CORO2A: variants seen among roughly 807,000 people sequenced by gnomAD.
CORO2A encodes coronin 2A.
Under a neutral mutation model 62.4 loss-of-function variants are expected in CORO2A, and 47 were observed. That is an observed-to-expected ratio of 0.75 (90% confidence interval 0.60 to 0.96). The LOEUF is 0.96. CORO2A is among the 40% of genes least tolerant of loss of function. CORO2A has a pLI of 0.00. For synonymous variants in CORO2A, 273 were observed against 268.9 expected, an observed-to-expected ratio of 1.02 and a Z score of -0.15; for missense variants, 610 against 684.1, an observed-to-expected ratio of 0.89 and a Z score of 1.21.
intron 2 of CORO2A, among the ~76,000 whole-genome samples, chr9:98,155,680 C>T (rs1483867802): frequency 1.3e-5 from 2 of 152,114 alleles, no homozygotes; most frequent in African/African-American, 4.8e-5. Context: ...AAGGACTATT[C>T]CTTTAAAGAA....
At chr9:98,187,383 C>T (rs547576637) in intron 1 of CORO2A, among the ~76,000 whole-genome samples, 36 of 151,070 alleles carry the variant, frequency 2.4e-4, no homozygotes, top group Non-Finnish European at 3.7e-4. Context: ...CACTTGAACC[C>T]GGGAGACGGT....
chr9:98,133,310 TC>T, intron 4 of CORO2A, 93 bp from the exon 5 acceptor site: 1 of 1,292,998 alleles, frequency 7.7e-7, no homozygotes, highest in Non-Finnish European at 1.1e-6. Flanking sequence ...AAACACAGTA[TC>T]CCTGGGAGGG....
intron 1 of CORO2A, among the ~76,000 whole-genome samples, chr9:98,190,017 T>TGG (rs1337027416): frequency 2.0e-5 from 3 of 152,188 alleles, no homozygotes; most frequent in African/African-American, 7.2e-5. Flanking sequence ...CCCGAGTAGC[T>TGG]GGGATTACAG....
chr9:98,162,613 T>C (rs954792838), intron 1 of CORO2A, among the ~76,000 whole-genome samples: 9 of 152,180 alleles, frequency 5.9e-5, no homozygotes, highest in African/African-American at 2.2e-4. Context: ...TGTATATGCA[T>C]GGGTGAAGCT....
chr9:98,157,497 G>A lies in CORO2A; in HGVS notation c.164C>T (p.Ala55Val). ...PHFIAVVTEC[A>V]GGGAFLVIPL... is the part of the protein sequence containing the mutation. Reference sequence around the variant, plus strand: ...GATGACGAGGAAGGCCCCTCCACCAGCACACTCAGTCACAACTGCAATGAA... The same window carrying A: ...GATGACGAGGAAGGCCCCTCCACCAACACACTCAGTCACAACTGCAATGAA... The change falls in exon 2 of 12, where the codon GCT becomes GTT. Residue 55 changes from alanine to valine, a missense_variant. Coordinates refer to ENST00000375077, the MANE Select transcript of CORO2A (RefSeq NM_052820.4). 4 of 1,614,224 alleles carry A rather than the reference G, an allele frequency of 2.5e-6. No homozygotes were observed. Among genetic ancestry groups the A allele is most frequent in the Non-Finnish European group, 3.4e-6 (4 of 1,180,046 alleles).
intron 9 of CORO2A, 86 bp downstream of exon 9, chr9:98,128,521 C>T: frequency 8.1e-7 from 1 of 1,239,180 alleles, no homozygotes; most frequent in Non-Finnish European, 1.2e-6. Context: ...ACGTGGGCTC[C>T]AGGCTCTGGT....
chr9:98,142,245 G>A (rs546142041), intron 2 of CORO2A, among the ~76,000 whole-genome samples: 9 of 152,172 alleles, frequency 5.9e-5, no homozygotes, highest in Non-Finnish European at 8.8e-5. Flanking sequence ...ACCCTCTCTC[G>A]GACCTCAGAC....
chr9:98,148,750 T>C (rs1408320737), intron 2 of CORO2A, among the ~76,000 whole-genome samples: 1 of 113,030 alleles, frequency 8.8e-6, no homozygotes, highest in Non-Finnish European at 1.9e-5. Flanking sequence ...AGAGCTTGTC[T>C]CAAACAAAAC....
chr9:98,124,549 G>T lies in CORO2A; in HGVS notation c.*225C>A. ...CCCTTAATAACAGAATTCAACAGAA[G>T]GCATCATCTGAAAACAAAGTCAATT... On this transcript the variant is annotated 3_prime_UTR_variant, in exon 12 of 12. Transcript: ENST00000375077. 2.4e-6 allele frequency: 1 copy of T among 423,006 alleles called. No homozygotes were observed. Among genetic ancestry groups the T allele is most frequent in the Non-Finnish European group, 4.2e-6 (1 of 237,872 alleles). The allele number at this position is 423,006 out of a possible 1,614,324, so 26.2% of individuals were successfully genotyped here. A position where few individuals can be genotyped will look rare whatever the true frequency, so the allele number is the denominator to read the frequency against.
At chr9:98,135,709 G>A (rs961171527) in intron 3 of CORO2A, among the ~76,000 whole-genome samples, 6 of 152,180 alleles carry the variant, frequency 3.9e-5, no homozygotes, top group South Asian at 4.1e-4. Flanking sequence ...CTGGCCCCTA[G>A]TTGATTGTAT....
intron 2 of CORO2A, among the ~76,000 whole-genome samples, chr9:98,151,664 G>A (rs984709218): frequency 4.0e-5 from 6 of 151,580 alleles, no homozygotes; most frequent in Non-Finnish European, 5.9e-5. Flanking sequence ...CTTTTCTTTC[G>A]CTATTTTTCT....
rs1452618093 is a variant in CORO2A at position 98,151,575 on chromosome 9, CT to C, written c.201+5884del. 4.6e-5 allele frequency among the ~76,000 whole-genome samples: 7 copies of C among 152,282 alleles called. No homozygotes were observed. In the East Asian group the frequency reaches 1.3e-3, roughly 29 times the overall value. ...TTTTCTAATAATTTGACTACATGTT[CT>C]TTTGGGTTCTATGTAGACAATTATA... On this transcript the variant is annotated intron_variant, in intron 2 of 11. Transcript: ENST00000375077.
chr9:98,126,723 G>A lies in CORO2A; in HGVS notation c.1272C>T (p.Pro424=), dbSNP rs1158816720. Residue 424 remains proline (P), a synonymous_variant, in exon 11 of 12, where the codon CCC becomes CCT. Transcript: ENST00000375077. ...PIFNSMAPAS[P]RLLNQTEKLA... is the part of the protein sequence containing the mutation. ...GCTTTTCTGTCTGATTCAAGAGCCG[G>A]GGTGAGGCTGGGGCCATGGAATTGA... is the stretch of plus-strand genomic sequence containing the variant. 1.2e-5 allele frequency: 19 copies of A among 1,614,100 alleles called. No individual in the cohort carries two copies. The highest frequency in any genetic ancestry group is 1.5e-5 in the Non-Finnish European group (18 of 1,180,046).
chr9:98,181,899 T>C (rs1460009747), intron 1 of CORO2A, among the ~76,000 whole-genome samples: 2 of 152,216 alleles, frequency 1.3e-5, no homozygotes, highest in African/African-American at 4.8e-5. Context: ...ACTTCCAAGC[T>C]GTGTGACCTC....
chr9:98,146,418 C>T (rs114445793), intron 2 of CORO2A, among the ~76,000 whole-genome samples: 1 of 152,190 alleles, frequency 6.6e-6, no homozygotes. Context: ...AGGGAGGGAC[C>T]CTGCCTGCAG....
Position 98,122,784 on chromosome 9 carries a change from C to T in CORO2A, c.*1990G>A, listed in dbSNP as rs1292370709. The T allele has an allele frequency of 6.6e-6, 1 of 152,256 alleles. No homozygotes were observed. The highest frequency in any genetic ancestry group is 2.4e-5 in the African/African-American group (1 of 41,432). 9.4% of individuals were successfully genotyped at this position (152,256 alleles called of 1,614,324 possible). A position where few individuals can be genotyped will look rare whatever the true frequency, so the allele number is the denominator to read the frequency against. On this transcript the variant is annotated 3_prime_UTR_variant, in exon 12 of 12. Transcript: ENST00000375077. ...TAGGGCTGAAATCTGCCCACATCAT[C>T]CTGCAGGAGGCAGGCTGTGTACCTG...
intron 1 of CORO2A, among the ~76,000 whole-genome samples, chr9:98,182,285 T>G (rs1381280016): frequency 3.3e-5 from 5 of 152,206 alleles, no homozygotes; most frequent in African/African-American, 9.6e-5. Flanking sequence ...AATGGGTCAG[T>G]CTGGGTGAGG....
At chr9:98,154,352 T>TATATATATATACAC (rs71369555) in intron 2 of CORO2A, among the ~76,000 whole-genome samples, 10 of 94,064 alleles carry the variant, frequency 1.1e-4, no homozygotes, top group Admixed American at 2.3e-4. Context: ...TATATATATA[T>TATATATATATACAC]ACACAAATAC....
chr9:98,156,685 A>G (rs1794450446), intron 2 of CORO2A, among the ~76,000 whole-genome samples: 1 of 152,232 alleles, frequency 6.6e-6, no homozygotes, highest in South Asian at 2.1e-4. Context: ...CTGGGGGTCT[A>G]AGTCTGCTAT....
Sources: gnomAD v4.1 joint callset for allele counts (sites outside exome capture counted in the v4.1 genomes callset) on GRCh38, gnomAD v4.1.1 for gene constraint, MANE v1.5 for transcripts, NCBI Gene and HGNC (gene_info 2026-07-23, HGNC 2026-07-21) for gene names.